Variants in ESYT2 observed in about 807,000 individuals in gnomAD.
The protein encoded by ESYT2 is extended synaptotagmin-2.
A neutral mutation model predicts 107.2 loss-of-function variants in ESYT2; 54 were observed. That is an observed-to-expected ratio of 0.50 (90% CI 0.40 to 0.63). ESYT2 has a LOEUF of 0.63. Among genes scored for constraint, ESYT2 ranks in the 30% least tolerant of loss-of-function variants. The pLI, the probability that ESYT2 is intolerant of heterozygous loss-of-function variation, is 0.00. For missense variants in ESYT2, 1,020 were observed against 1,094.5 expected, an observed-to-expected ratio of 0.93 and a Z score of 0.96; for synonymous variants, 491 against 434.1, an observed-to-expected ratio of 1.13 and a Z score of -1.63.
chr7:158,734,659 C>T (rs1025789984), intron 21 of ESYT2, among the ~76,000 whole-genome samples, 188 bp from the exon 22 acceptor site: 2 of 152,216 alleles, frequency 1.3e-5, no homozygotes, highest in African/African-American at 4.8e-5. Context: ...GGCGTGCTGA[C>T]ACGCACCTTG....
chr7:158,750,345 A>G (rs998332073), intron 14 of ESYT2, among the ~76,000 whole-genome samples: 9 of 152,198 alleles, frequency 5.9e-5, no homozygotes, highest in African/African-American at 2.2e-4. Flanking sequence ...GGTAAGAAGT[A>G]CACACTAGCA....
At chr7:158,783,782 G>C (rs1839011539) in intron 6 of ESYT2, among the ~76,000 whole-genome samples, 1 of 152,232 alleles carries the variant, frequency 6.6e-6, no homozygotes, top group Non-Finnish European at 1.5e-5. Context: ...TGCATCCCCG[G>C]TGTGCAAAGA....
chr7:158,761,748 T>G (rs1052035868), intron 10 of ESYT2, among the ~76,000 whole-genome samples: 1 of 152,044 alleles, frequency 6.6e-6, no homozygotes, highest in African/African-American at 2.4e-5. Flanking sequence ...TCACCCCCAG[T>G]GTCAGGAGAG....
chr7:158,788,054 C>T lies in ESYT2; in HGVS notation c.697G>A (p.Gly233Arg). 1.2e-6 allele frequency: 2 copies of T among 1,614,090 alleles called. No individual in the cohort carries two copies. The highest frequency in any genetic ancestry group is 2.2e-5 in the South Asian group (2 of 91,076). Reference sequence around the variant, plus strand: ...AAAGCTCCAACTAAGGGCATATCTCCAATCAACGGTTCCAGGATCACCCGC... The same window carrying T: ...AAAGCTCCAACTAAGGGCATATCTCTAATCAACGGTTCCAGGATCACCCGC... ...TMRVILEPLI[G>R]DMPLVGALSI... Residue 233 changes from glycine to arginine, a missense_variant, in exon 6 of 23, where the codon GGA becomes AGA. By Grantham distance (125) the Gly-to-Arg change is moderately radical. Transcript: ENST00000275418.
rs1314654673 is a variant in ESYT2 at position 158,733,942 on chromosome 7, G to A, written c.*265C>T. On this transcript the variant is annotated 3_prime_UTR_variant, in exon 23 of 23. Transcript: ENST00000275418. ...ACATCCGACTCCTACGGACACAGCT[G>A]AGCAGAGTCCACAGACACAAGAGCT... The A allele has an allele frequency of 2.1e-6, 1 of 482,156 alleles. No individual in the cohort carries two copies. The highest frequency in any genetic ancestry group is 3.8e-6 in the Non-Finnish European group (1 of 265,790). 29.9% of individuals were successfully genotyped at this position (482,156 alleles called of 1,614,324 possible). A position where few individuals can be genotyped will look rare whatever the true frequency, so the allele number is the denominator to read the frequency against.
At chr7:158,785,426 A>AAAAT (rs55862703) in intron 6 of ESYT2, among the ~76,000 whole-genome samples, 6,107 of 143,950 alleles carry the variant, frequency 0.042, 150 homozygotes, top group South Asian at 0.065. Context: ...ACTCCGTCTC[A>AAAAT]AAATAAATAA....
rs1312635368 is a variant in ESYT2, at chr7:158,828,577, G to A, written c.330+512C>T. On this transcript the variant is annotated intron_variant, in intron 1 of 22. Coordinates refer to ENST00000275418, the MANE Select transcript of ESYT2 (RefSeq NM_001367773.1). ...GAGAAAGCCGCGCGGGACGGCGAGG[G>A]GAGGCTTCACGAGGGCAGACGCGCC... Among the ~76,000 whole-genome samples the A allele has an allele frequency of 3.9e-5, 6 of 152,308 alleles. No individual in the cohort carries two copies. The East Asian group carries it at 5.8e-4, about 15-fold the overall frequency.
intron 1 of ESYT2, among the ~76,000 whole-genome samples, chr7:158,817,922 A>G (rs984677806): frequency 1.3e-5 from 2 of 152,232 alleles, no homozygotes; most frequent in African/African-American, 2.4e-5. Context: ...TAGGTACTCC[A>G]GTATAATATT....
intron 7 of ESYT2, among the ~76,000 whole-genome samples, chr7:158,771,460 C>G (rs1469815413): frequency 6.6e-6 from 1 of 152,240 alleles, no homozygotes; most frequent in Non-Finnish European, 1.5e-5. Flanking sequence ...AGATTGAAAC[C>G]TGATCATCGG....
intron 6 of ESYT2, among the ~76,000 whole-genome samples, chr7:158,785,766 T>A (rs1839088810): frequency 6.6e-6 from 1 of 152,134 alleles, no homozygotes; most frequent in Admixed American, 6.5e-5. Flanking sequence ...TGTGCTGCCT[T>A]CTTCACCTAC....
chr7:158,823,904 T>A (rs1840363774), intron 1 of ESYT2, among the ~76,000 whole-genome samples: 3 of 152,304 alleles, frequency 2.0e-5, no homozygotes, highest in South Asian at 2.1e-4. Flanking sequence ...AGTGTATATA[T>A]CCATATAAAC....
intron 14 of ESYT2, among the ~76,000 whole-genome samples, chr7:158,751,932 T>C (rs1837600867): frequency 6.6e-6 from 1 of 152,212 alleles, no homozygotes; most frequent in African/African-American, 2.4e-5. Flanking sequence ...GAGTAACCCC[T>C]AGTAACCCAC....
intron 1 of ESYT2, among the ~76,000 whole-genome samples, chr7:158,816,162 G>C (rs1308176079): frequency 6.6e-6 from 1 of 152,206 alleles, no homozygotes; most frequent in Non-Finnish European, 1.5e-5. Flanking sequence ...GCAACACAGT[G>C]AGACTCCATC....
At chr7:158,762,984 C>A in intron 10 of ESYT2, 99 bp downstream of exon 10, 1 of 736,580 alleles carries the variant, frequency 1.4e-6, no homozygotes, top group Non-Finnish European at 2.2e-6. Flanking sequence ...AATGAATAGA[C>A]AACAAGTATA....
At chr7:158,805,977 G>A (rs1228708814) in intron 1 of ESYT2, among the ~76,000 whole-genome samples, 7 of 152,172 alleles carry the variant, frequency 4.6e-5, no homozygotes, top group Non-Finnish European at 7.3e-5. Context: ...AAGGAATGAC[G>A]GCTGAGCCAC....
rs747190823 is a variant in ESYT2 at position 158,743,518 on chromosome 7, C to A, written c.1794+11G>T. 1.9e-6 allele frequency: 3 copies of A among 1,606,008 alleles called. No individual in the cohort carries two copies. In the South Asian group the frequency reaches 3.3e-5, roughly 18 times the overall value. On this transcript the variant is annotated intron_variant, in intron 17 of 22. Coordinates refer to ENST00000275418, the MANE Select transcript of ESYT2 (RefSeq NM_001367773.1). Reference sequence around the variant, plus strand: ...ATCCCCTATGGTGTTCACTGCAGGACGACACGATACCCGCAGGGCAATCTT... The same window carrying A: ...ATCCCCTATGGTGTTCACTGCAGGAAGACACGATACCCGCAGGGCAATCTT...
intron 13 of ESYT2, among the ~76,000 whole-genome samples, chr7:158,758,965 A>G (rs1405661498): frequency 6.6e-6 from 1 of 152,248 alleles, no homozygotes; most frequent in East Asian, 1.9e-4. Flanking sequence ...GCAGTAGGTC[A>G]TTCCGAGACA....
chr7:158,825,147 G>C (rs1417521715), intron 1 of ESYT2, among the ~76,000 whole-genome samples: 1 of 152,114 alleles, frequency 6.6e-6, no homozygotes, highest in Non-Finnish European at 1.5e-5. Flanking sequence ...ACAAAAATTA[G>C]CCAGACGTGG....
chr7:158,814,317 AT>A (rs1840083543), intron 1 of ESYT2, among the ~76,000 whole-genome samples: 5 of 11,700 alleles, frequency 4.3e-4, no homozygotes, highest in African/African-American at 8.1e-4. Context: ...ATATATATAT[AT>A]ATATATATAT....
Sources: allele counts gnomAD v4.1 joint callset (sites outside exome capture counted in the v4.1 genomes callset), GRCh38; gene constraint gnomAD v4.1.1; transcripts MANE v1.5; gene names NCBI Gene and HGNC (gene_info 2026-07-23, HGNC 2026-07-21).